DDX46: variants seen among roughly 807,000 people sequenced by gnomAD.
DDX46 encodes probable ATP-dependent RNA helicase DDX46.
Under a neutral mutation model 134.9 loss-of-function variants are expected in DDX46, and 30 were observed. The observed-to-expected ratio is 0.22, with a 90% CI of 0.17 to 0.30. The LOEUF is 0.30. Ranked by LOEUF, DDX46 falls within the 10% of genes least tolerant of loss-of-function variation. The pLI is 1.00. For missense variants in DDX46, 622 were observed against 1,248.7 expected, an observed-to-expected ratio of 0.50 and a Z score of 7.56; for synonymous variants, 415 against 404.1, an observed-to-expected ratio of 1.03 and a Z score of -0.32.
chr5:134,814,514 A>C (rs976007899), intron 18 of DDX46, among the ~76,000 whole-genome samples: 5 of 152,236 alleles, frequency 3.3e-5, no homozygotes, highest in African/African-American at 1.2e-4. Context: ...TCAGATTGTA[A>C]TACCATGAAT....
chr5:134,795,035 A>G, intron 14 of DDX46, 21 bp downstream of exon 14: 2 of 1,611,324 alleles, frequency 1.2e-6, no homozygotes, highest in Non-Finnish European at 1.7e-6. Flanking sequence ...TCTTTAGGAA[A>G]TTCCCAGTTT....
chr5:134,820,436 T>C (rs997881957), intron 21 of DDX46, among the ~76,000 whole-genome samples: 1 of 151,744 alleles, frequency 6.6e-6, no homozygotes, highest in African/African-American at 2.4e-5. Flanking sequence ...GATCTTGGCT[T>C]ACTGCAACCT....
chr5:134,784,719 C>G, intron 10 of DDX46, 178 bp downstream of exon 10: 1 of 542,466 alleles, frequency 1.8e-6, no homozygotes, highest in South Asian at 3.0e-5. Flanking sequence ...TGAGAATCTT[C>G]AGAGCTCTGG....
intron 1 of DDX46, among the ~76,000 whole-genome samples, chr5:134,760,513 A>C (rs1561847278): frequency 6.6e-6 from 1 of 152,312 alleles, no homozygotes; most frequent in East Asian, 1.9e-4. Context: ...GAACCTTTGA[A>C]GATTTTGAGT....
At chr5:134,806,099 G>A (rs1202387434) in intron 15 of DDX46, among the ~76,000 whole-genome samples, 1 of 152,062 alleles carries the variant, frequency 6.6e-6, no homozygotes, top group African/African-American at 2.4e-5. Flanking sequence ...TGTAGTCCCA[G>A]CTAGTGGGGA....
chr5:134,784,861 A>G (rs1754281297), intron 10 of DDX46, among the ~76,000 whole-genome samples: 1 of 152,204 alleles, frequency 6.6e-6, no homozygotes, highest in South Asian at 2.1e-4. Flanking sequence ...GTATCAGTGG[A>G]TATATAAAAG....
rs1429784581 is a variant in DDX46 at position 134,782,016 on chromosome 5, A to G, written c.975A>G (p.Lys325=). ...RKLLEPVDHG[K]IEYEPFRKNF... ...TTCTAGAACCAGTTGATCATGGAAA[A>G]ATTGAGTATGAGCCATTTAGGAAAA... The change falls in exon 8 of 23, where the codon AAA becomes AAG. Residue 325 remains lysine, a synonymous_variant. Transcript: ENST00000452510. 2 of 1,609,546 alleles carry G rather than the reference A, an allele frequency of 1.2e-6. No homozygotes were observed. Among genetic ancestry groups the G allele is most frequent in the Non-Finnish European group, 1.7e-6 (2 of 1,179,096 alleles).
intron 10 of DDX46, among the ~76,000 whole-genome samples, chr5:134,785,206 C>G (rs1008026229): frequency 2.6e-5 from 4 of 152,092 alleles, no homozygotes; most frequent in African/African-American, 9.7e-5. Flanking sequence ...TCTTTTGAAC[C>G]AAGTATTTTC....
At chr5:134,802,310 G>C (rs1332359707) in intron 15 of DDX46, among the ~76,000 whole-genome samples, 1 of 151,670 alleles carries the variant, frequency 6.6e-6, no homozygotes, top group South Asian at 2.1e-4. Context: ...GATTACAGGC[G>C]TATGCTACCA....
intron 13 of DDX46, among the ~76,000 whole-genome samples, chr5:134,793,711 C>T (rs1754574433): frequency 6.6e-6 from 1 of 152,106 alleles, no homozygotes; most frequent in Admixed American, 6.6e-5. Context: ...AGCCTGAAAA[C>T]TGAACAGTTG....
At chr5:134,795,162 T>A in intron 14 of DDX46, 148 bp downstream of exon 14, 1 of 887,402 alleles carries the variant, frequency 1.1e-6, no homozygotes, top group Non-Finnish European at 1.7e-6. Flanking sequence ...TTTTACCAGA[T>A]AAACTTAACT....
In DDX46 at chr5:134,818,976, C is replaced by A; in HGVS notation, c.2949C>A (p.Gly983=). The A allele has an allele frequency of 6.2e-7, 1 of 1,613,512 alleles. No homozygotes were observed. The highest frequency in any genetic ancestry group is 1.3e-5 in the African/African-American group (1 of 74,980). ...CTCCTGGCAAAGAACCCAAGGAAGG[C>A]GAGCGGAAGATTTACTTGGCAATTG... ...YFPPGKEPKE[G]ERKIYLAIES... Residue 983 remains glycine, a synonymous_variant, in exon 21 of 23, where the codon GGC becomes GGA. Transcript: ENST00000452510.
At chr5:134,797,197 A>AAAAAAC (rs1754691086) in intron 15 of DDX46, 1 of 269,696 alleles carries the variant, frequency 3.7e-6, no homozygotes, top group African/African-American at 2.5e-5. Flanking sequence ...AAAAAAAAAA[A>AAAAAAC]CACAAAACAC....
chr5:134,812,037 A>G (rs894469803), intron 18 of DDX46, among the ~76,000 whole-genome samples, 192 bp downstream of exon 18: 5 of 147,442 alleles, frequency 3.4e-5, no homozygotes, highest in Admixed American at 2.7e-4. Flanking sequence ...ACTCATTAGC[A>G]CTTCAAAGGA....
At chr5:134,802,159 C>CTTTTTTTTTTTTTTTTTTT (rs542615882) in intron 15 of DDX46, among the ~76,000 whole-genome samples, 1 of 73,284 alleles carries the variant, frequency 1.4e-5, no homozygotes, top group Non-Finnish European at 2.5e-5. Flanking sequence ...TAATTTCTTT[C>CTTTTTTTTTTTTTTTTTTT]TTTTTTTTTT....
chr5:134,793,963 A>G (rs1055191216), intron 13 of DDX46, among the ~76,000 whole-genome samples: 3 of 152,108 alleles, frequency 2.0e-5, no homozygotes, highest in African/African-American at 7.2e-5. Flanking sequence ...CCTAGTATTT[A>G]ATTTTTGGCT....
Position 134,762,574 on chromosome 5 carries a change from A to C in DDX46, c.18-1330A>C, listed in dbSNP as rs1753424728. 2.0e-5 allele frequency among the ~76,000 whole-genome samples: 3 copies of C among 151,676 alleles called. 1 individual carries two copies. The South Asian group carries it at 6.2e-4, about 32-fold the overall frequency. ...GTGGTGAAACTGCCTCATCTACTAAAGATACGAAACTGGCTGGGCGTGGTA... is the reference window on the plus strand; with the variant it reads ...GTGGTGAAACTGCCTCATCTACTAACGATACGAAACTGGCTGGGCGTGGTA... On this transcript the variant is annotated intron_variant, in intron 1 of 22. Transcript: ENST00000452510.
rs868688257 is a variant in DDX46 at position 134,802,164 on chromosome 5, T to C, written c.1955-5584T>C. ...TCAAATTGGATAATTTCTTTCTTTT[T>C]TTTTTTTTTTTTTTTTTGAGATGGA... On this transcript the variant is annotated intron_variant, in intron 15 of 22. Transcript: ENST00000452510. Among the ~76,000 whole-genome samples the C allele has an allele frequency of 7.0e-3, 1,010 of 145,268 alleles. 3 individuals are homozygous for C. The highest frequency in any genetic ancestry group is 0.032 in the Middle Eastern group (9 of 284).
chr5:134,759,324 A>C (rs1753304297), intron 1 of DDX46, among the ~76,000 whole-genome samples: 1 of 152,162 alleles, frequency 6.6e-6, no homozygotes, highest in Admixed American at 6.5e-5. Context: ...GACTCCTGTC[A>C]TTCTGTATTT....
Sources: gnomAD v4.1 joint callset for allele counts (sites outside exome capture counted in the v4.1 genomes callset) on GRCh38, gnomAD v4.1.1 for gene constraint, MANE v1.5 for transcripts, NCBI Gene and HGNC (gene_info 2026-07-23, HGNC 2026-07-21) for gene names.